DNAAF3: variants seen among roughly 807,000 people sequenced by gnomAD.
DNAAF3 encodes the protein UPF0470 protein C19orf51.
A neutral mutation model predicts 50.9 loss-of-function variants in DNAAF3; 40 were observed. The observed-to-expected ratio is 0.79, with a 90% confidence interval of 0.61 to 1.02. DNAAF3 has a LOEUF of 1.02. Among genes scored for constraint, DNAAF3 ranks in the 50% least tolerant of loss-of-function variants. The probability of loss-of-function intolerance (pLI) is 0.00; values close to 1 mark genes in which losing one functional copy is unlikely to be tolerated. For missense variants in DNAAF3, 763 were observed against 744.7 expected, an observed-to-expected ratio of 1.02 and a Z score of -0.29; for synonymous variants, 327 against 322.8, an observed-to-expected ratio of 1.01 and a Z score of -0.14.
intron 10 of DNAAF3, 28 bp from the exon 11 acceptor site, chr19:55,159,635 G>C: frequency 6.2e-7 from 1 of 1,612,398 alleles, no homozygotes; most frequent in Non-Finnish European, 8.5e-7. Context: ...GACAGGCTGA[G>C]ATTCAGCTCC....
chr19:55,162,002 A>C (rs2085845265), intron 5 of DNAAF3, 131 bp downstream of exon 5: 6 of 1,337,966 alleles, frequency 4.5e-6, no homozygotes, highest in Non-Finnish European at 4.8e-6. Context: ...CAAATCCCAC[A>C]GTGGGAGTCG....
At chr19:55,164,562 T>C (rs142668667) in intron 4 of DNAAF3, among the ~76,000 whole-genome samples, 8 of 152,106 alleles carry the variant, frequency 5.3e-5, no homozygotes, top group African/African-American at 1.7e-4. Context: ...TTTGCTTTTG[T>C]CGCCCAGGCT....
In DNAAF3 at chr19:55,160,822, G is replaced by C. The variant is rs978277811; in HGVS notation, c.913-47C>G. ...CCAGACGTCGGGGCCAGGATGGCGG[G>C]GCGGGGCTTAGAACGCTGGGAGTCC... On this transcript the variant is annotated intron_variant, in intron 8 of 11. Coordinates refer to ENST00000524407, the MANE Select transcript of DNAAF3 (RefSeq NM_001256715.2). The surrounding 1 kb of genome is among the most constrained non-coding windows in gnomAD (Gnocchi z 4.7). The C allele has an allele frequency of 1.3e-6, 2 of 1,586,410 alleles. No homozygotes were observed. The highest frequency in any genetic ancestry group is 1.7e-6 in the Non-Finnish European group (2 of 1,172,758).
At position 55,159,003 on chromosome 19, in the gene DNAAF3, G is replaced by C; in HGVS notation, c.*59C>G. On this transcript the variant is annotated 3_prime_UTR_variant, in exon 12 of 12. Coordinates refer to ENST00000524407, the MANE Select transcript of DNAAF3 (RefSeq NM_001256715.2). ...CAGCGGACTTAGAATGGTATCAGCG[G>C]GTTCTCATCCTACAACCTGACTTTG... 1 of 1,513,910 alleles carries C rather than the reference G, an allele frequency of 6.6e-7. No homozygotes were observed. Among genetic ancestry groups the C allele is most frequent in the Non-Finnish European group, 8.8e-7 (1 of 1,130,734 alleles). 93.8% of individuals were successfully genotyped at this position (1,513,910 alleles called of 1,614,324 possible). A position where few individuals can be genotyped will look rare whatever the true frequency, so the allele number is the denominator to read the frequency against.
At chr19:55,163,100 C>T (rs1332821257) in intron 4 of DNAAF3, among the ~76,000 whole-genome samples, 10 of 145,972 alleles carry the variant, frequency 6.9e-5, no homozygotes, top group African/African-American at 2.5e-4. Context: ...AGCTCCGCCT[C>T]CCGGGTTCAC....
At position 55,161,666 on chromosome 19, in the gene DNAAF3, G is replaced by A. The variant is rs761550989; in HGVS notation, c.640C>T (p.Arg214Cys). 95 of 1,538,718 alleles carry A rather than the reference G, an allele frequency of 6.2e-5. No individual in the cohort carries two copies. The highest frequency in any genetic ancestry group is 7.5e-5 in the Non-Finnish European group (86 of 1,146,288). Residue 214 changes from arginine (R) to cysteine (C), a missense_variant, in exon 6 of 12, where the codon CGC becomes TGC. By Grantham distance (180) the Arg-to-Cys change is radical. Coordinates refer to ENST00000524407, the MANE Select transcript of DNAAF3 (RefSeq NM_001256715.2). This position sits in a 1 kb window ranked among gnomAD's most constrained non-coding sequence, Gnocchi z 6.4. Reference protein sequence around the residue: ...ARRGVSDWDLRMKLHDRGAQV... With the variant: ...ARRGVSDWDLCMKLHDRGAQV... ...ACCCCGCGGTCATGCAGCTTCATGC[G>A]CAGGTCCCAGTCGCTGACACCGCGC... is the stretch of plus-strand genomic sequence containing the variant.
Position 55,166,426 on chromosome 19 carries a change from A to T in DNAAF3, c.-4-9T>A. 6.2e-7 allele frequency: 1 copy of T among 1,613,948 alleles called. No homozygotes were observed. The highest frequency in any genetic ancestry group is 8.5e-7 in the Non-Finnish European group (1 of 1,179,894). On this transcript the variant is annotated splice_polypyrimidine_tract_variant and intron_variant, in intron 1 of 11. Coordinates refer to ENST00000524407, the MANE Select transcript of DNAAF3 (RefSeq NM_001256715.2). The surrounding 1 kb of genome is among the most constrained non-coding windows in gnomAD (Gnocchi z 4.0). ...CAGGTGTGGTCATCACCCTGCGGAA[A>T]AGACATTCTGGGAATCGCACACATT...
In DNAAF3 at chr19:55,160,933, GA is replaced by G; in HGVS notation, c.912+131del. Reference sequence around the variant, plus strand: ...CCCGCGGGGATGGGGCCTGTTCTCTGAATGGAGTCGTTCCCACCAAGCGACG... The same window carrying G: ...CCCGCGGGGATGGGGCCTGTTCTCTGATGGAGTCGTTCCCACCAAGCGACG... On this transcript the variant is annotated intron_variant, in intron 8 of 11. Transcript: ENST00000524407. This position sits in a 1 kb window ranked among gnomAD's most constrained non-coding sequence, Gnocchi z 4.7. The G allele has an allele frequency of 6.9e-7, 1 of 1,449,604 alleles. No individual in the cohort carries two copies. The highest frequency in any genetic ancestry group is 9.1e-7 in the Non-Finnish European group (1 of 1,103,076). 89.8% of individuals were successfully genotyped at this position (1,449,604 alleles called of 1,614,324 possible).
rs752341373 is a variant in DNAAF3, at chr19:55,165,840, A to C, written c.228+18T>G. 1 of 1,612,450 alleles carries C rather than the reference A, an allele frequency of 6.2e-7. No individual in the cohort carries two copies. Among genetic ancestry groups the C allele is most frequent in the Admixed American group, 1.7e-5 (1 of 59,772 alleles). The stretch of plus-strand genomic sequence containing the variant: ...CAAGGACTCGGGAATCTGGGCTCTC[A>C]TCTTCATCCCAGCTCACGTTGAACC... On this transcript the variant is annotated intron_variant, in intron 3 of 11. Coordinates refer to ENST00000524407, the MANE Select transcript of DNAAF3 (RefSeq NM_001256715.2).
rs1312312993 is a variant in DNAAF3, at chr19:55,162,138, G to A, written c.475C>T (p.Leu159Phe). Reference sequence around the variant, plus strand: ...TGGAGGCCGGGCGGCGGCACCTTGAGGGCGCGGAGGCTGAGCCAGGGCAGC... The same window carrying A: ...TGGAGGCCGGGCGGCGGCACCTTGAAGGCGCGGAGGCTGAGCCAGGGCAGC... ...EQLPWLSLRA[L>F]KFRERDALEA... The change falls in exon 5 of 12, where the codon CTC (leucine) becomes TTC (phenylalanine). Residue 159 changes from leucine (L) to phenylalanine (F), a missense_variant. By Grantham distance (22) the Leu-to-Phe change is conservative. Coordinates refer to ENST00000524407, the MANE Select transcript of DNAAF3 (RefSeq NM_001256715.2). The A allele has an allele frequency of 8.0e-7, 1 of 1,249,528 alleles. No homozygotes were observed. The highest frequency in any genetic ancestry group is 1.0e-6 in the Non-Finnish European group (1 of 991,480). The allele number at this position is 1,249,528 out of a possible 1,614,324, so 77.4% of individuals were successfully genotyped here. A position where few individuals can be genotyped will look rare whatever the true frequency, so the allele number is the denominator to read the frequency against.
intron 4 of DNAAF3, among the ~76,000 whole-genome samples, chr19:55,163,312 ATTT>A (rs34371299): frequency 0.076 from 6,587 of 87,190 alleles, 302 homozygotes; most frequent in Middle Eastern, 0.11. Flanking sequence ...CCGGCGGCTA[ATTT>A]TTTTTTTTTT....
intron 10 of DNAAF3, 33 bp downstream of exon 10, chr19:55,159,866 G>C (rs919373369): frequency 1.6e-5 from 25 of 1,607,660 alleles, no homozygotes; most frequent in Non-Finnish European, 2.0e-5. Context: ...CCTGATCCTG[G>C]GTCTTTGTGA....
chr19:55,165,205 C>T (rs1196244665), intron 4 of DNAAF3, among the ~76,000 whole-genome samples, 165 bp downstream of exon 4: 1 of 150,370 alleles, frequency 6.7e-6, no homozygotes, highest in Non-Finnish European at 1.5e-5. Flanking sequence ...CGGAGTTTCG[C>T]TCTTGTTGCC....
rs763451290 is a variant in DNAAF3, at chr19:55,160,618, C to CCTGGA, written c.1048+21_1048+22insTCCAG. 1.4e-6 allele frequency: 2 copies of CCTGGA among 1,468,138 alleles called. No homozygotes were observed. The highest frequency in any genetic ancestry group is 1.8e-6 in the Non-Finnish European group (2 of 1,117,952). The allele number at this position is 1,468,138 out of a possible 1,614,324, so 90.9% of individuals were successfully genotyped here. A position where few individuals can be genotyped will look rare whatever the true frequency, so the allele number is the denominator to read the frequency against. On this transcript the variant is annotated intron_variant, in intron 9 of 11. Coordinates refer to ENST00000524407, the MANE Select transcript of DNAAF3 (RefSeq NM_001256715.2). The surrounding 1 kb of genome is among the most constrained non-coding windows in gnomAD (Gnocchi z 4.7). ...CCTGGAGGCTGGAGTCCCTGGCTTA[C>CCTGGA]CTGTTGTTGTCCCTGGCTTACCTGG... is the stretch of plus-strand genomic sequence containing the variant.
Position 55,165,866 on chromosome 19 carries a change from T to G in DNAAF3, c.220A>C (p.Arg74=), listed in dbSNP as rs2085929650. The change falls in exon 3 of 12, where the codon AGG becomes CGG. Residue 74 remains arginine, a synonymous_variant. Transcript: ENST00000524407. ...LSRAKFWPRR[R]FNFFVLENNL... Reference sequence around the variant, plus strand: ...TCTTCATCCCAGCTCACGTTGAACCTCCTGCGAGGCCAGAACTTCGCTCGG... The same window carrying G: ...TCTTCATCCCAGCTCACGTTGAACCGCCTGCGAGGCCAGAACTTCGCTCGG... 1.2e-6 allele frequency: 2 copies of G among 1,613,878 alleles called. No homozygotes were observed. The highest frequency in any genetic ancestry group is 1.7e-5 in the Admixed American group (1 of 59,972).
chr19:55,159,501 G>T, intron 11 of DNAAF3, 32 bp downstream of exon 11: 1 of 1,600,576 alleles, frequency 6.2e-7, no homozygotes, highest in East Asian at 2.2e-5. Context: ...CCCCAGCCAG[G>T]ATGTTCCCCA....
At chr19:55,164,039 C>T (rs1177339159) in intron 4 of DNAAF3, among the ~76,000 whole-genome samples, 5 of 152,222 alleles carry the variant, frequency 3.3e-5, no homozygotes, top group Admixed American at 1.3e-4. Flanking sequence ...TGCAAGTGTG[C>T]GCCTCTTCCC....
In DNAAF3 at chr19:55,161,678, C is replaced by T; in HGVS notation, c.628G>A (p.Asp210Asn). Residue 210 changes from aspartate (D) to asparagine (N), a missense_variant, in exon 6 of 12, where the codon GAC (aspartate) becomes AAC (asparagine). Transcript: ENST00000524407. This position sits in a 1 kb window ranked among gnomAD's most constrained non-coding sequence, Gnocchi z 6.4. ...TGCAGCTTCATGCGCAGGTCCCAGT[C>T]GCTGACACCGCGCCGGGCGTCGTAG... ...SRYDARRGVSDWDLRMKLHDR... is the reference protein window; with the variant it reads ...SRYDARRGVSNWDLRMKLHDR... 3 of 1,539,810 alleles carry T rather than the reference C, an allele frequency of 1.9e-6. No individual in the cohort carries two copies. Among genetic ancestry groups the T allele is most frequent in the Non-Finnish European group, 1.7e-6 (2 of 1,146,424 alleles).
At chr19:55,165,664 C>T (rs2085925561) in intron 3 of DNAAF3, 194 bp downstream of exon 3, 30 of 1,041,544 alleles carry the variant, frequency 2.9e-5, no homozygotes, top group Non-Finnish European at 4.0e-5. Flanking sequence ...AGCTCTTCCC[C>T]ACTATAGAAC....
Sources: allele counts gnomAD v4.1 joint callset (sites outside exome capture counted in the v4.1 genomes callset), GRCh38; gene constraint gnomAD v4.1.1; non-coding constraint Gnocchi (gnomAD v3.1); transcripts MANE v1.5; gene names NCBI Gene and HGNC (gene_info 2026-07-23, HGNC 2026-07-21).